Variants in ZHX3 observed in about 807,000 individuals in gnomAD.
ZHX3 encodes the protein zinc fingers and homeoboxes 3.
ZHX3 carries 20 observed loss-of-function variants against 64.5 expected under a neutral mutation model. That is an observed-to-expected ratio of 0.31 (90% CI 0.22 to 0.45). The LOEUF (loss-of-function observed/expected upper bound fraction) is 0.45, where lower values mean the gene tolerates loss of function less well. Ranked by LOEUF, ZHX3 falls within the 20% of genes least tolerant of loss-of-function variation. ZHX3 has a pLI of 1.00. For missense variants in ZHX3, 1,041 were observed against 1,195.8 expected (o/e 0.87, Z 1.91); for synonymous variants, 423 against 461.6 (o/e 0.92, Z 1.07).
At chr20:41,259,147 G>A (rs1444600062) in intron 2 of ZHX3, among the ~76,000 whole-genome samples, 1 of 152,120 alleles carries the variant, frequency 6.6e-6, no homozygotes, top group African/African-American at 2.4e-5. Context: ...CAGATACCAT[G>A]AGCTTAAATC....
intron 1 of ZHX3, 194 bp from the exon 2 acceptor site, chr20:41,269,277 G>C (rs536131688): frequency 6.6e-6 from 1 of 152,280 alleles, no homozygotes; most frequent in East Asian, 1.9e-4. Flanking sequence ...ATTCCTAGTA[G>C]AAATAAAGCA....
At chr20:41,267,276 T>A (rs892654224) in intron 2 of ZHX3, among the ~76,000 whole-genome samples, 1 of 116,444 alleles carries the variant, frequency 8.6e-6, no homozygotes, top group Non-Finnish European at 1.6e-5. Flanking sequence ...ACCTTCTAGA[T>A]CAAAGAGCTA....
At chr20:41,292,273 G>A (rs934789757) in intron 1 of ZHX3, among the ~76,000 whole-genome samples, 2 of 152,070 alleles carry the variant, frequency 1.3e-5, no homozygotes, top group Non-Finnish European at 2.9e-5. Context: ...CTAATATTTA[G>A]GAACCAGAAT....
Position 41,226,414 on chromosome 20 carries a change from A to G in ZHX3, c.-150-21348T>C, listed in dbSNP as rs1043405103. ...AAGTAATATTCCATGATATGTATAT[A>G]TCATATTTTATTTATCCATTCATCC... On this transcript the variant is annotated intron_variant, in intron 2 of 3. Transcript: ENST00000683867. The surrounding 1 kb of genome is among the most constrained non-coding windows in gnomAD (Gnocchi z 4.4). 1.3e-5 allele frequency among the ~76,000 whole-genome samples: 2 copies of G among 152,166 alleles called. No individual in the cohort carries two copies. Among genetic ancestry groups the G allele is most frequent in the African/African-American group, 4.8e-5 (2 of 41,428 alleles).
rs1056236620 is a variant in ZHX3 at position 41,180,357 on chromosome 20, T to C, written c.*4834A>G. On this transcript the variant is annotated 3_prime_UTR_variant, in exon 4 of 4. Coordinates refer to ENST00000683867, the MANE Select transcript of ZHX3 (RefSeq NM_001384317.1). ...TTTCAGAAATTGAGGAAGGGGGTGCTTTCCCCTGTCCTTGTCCATATGGTA... is the reference window on the plus strand; with the variant it reads ...TTTCAGAAATTGAGGAAGGGGGTGCCTTCCCCTGTCCTTGTCCATATGGTA... 5.2e-5 allele frequency: 8 copies of C among 152,510 alleles called. No individual in the cohort carries two copies. Among genetic ancestry groups the C allele is most frequent in the Non-Finnish European group, 7.3e-5 (5 of 68,100 alleles). 9.4% of individuals were successfully genotyped at this position (152,510 alleles called of 1,614,324 possible).
chr20:41,297,908 G>A (rs1182074820), intron 1 of ZHX3, among the ~76,000 whole-genome samples: 1 of 152,132 alleles, frequency 6.6e-6, no homozygotes, highest in Admixed American at 6.5e-5. Flanking sequence ...GCACTTACAA[G>A]GTCTAGAGTG....
chr20:41,288,828 C>T (rs1310543853), intron 1 of ZHX3, among the ~76,000 whole-genome samples: 1 of 152,126 alleles, frequency 6.6e-6, no homozygotes, highest in Non-Finnish European at 1.5e-5. Context: ...CCTAAATTAT[C>T]TCTAAAGTGA....
At position 41,212,355 on chromosome 20, in the gene ZHX3, T is replaced by C. The variant is rs566022547; in HGVS notation, c.-150-7289A>G. ...AGATACCACTTCACACCCACCAAGATGGCTGTAATTACAGCGACAGATAAC... is the reference window on the plus strand; with the variant it reads ...AGATACCACTTCACACCCACCAAGACGGCTGTAATTACAGCGACAGATAAC... On this transcript the variant is annotated intron_variant, in intron 2 of 3. Coordinates refer to ENST00000683867, the MANE Select transcript of ZHX3 (RefSeq NM_001384317.1). This position sits in a 1 kb window ranked among gnomAD's most constrained non-coding sequence, Gnocchi z 4.3. 6.6e-6 allele frequency among the ~76,000 whole-genome samples: 1 copy of C among 152,104 alleles called. No individual in the cohort carries two copies. Among genetic ancestry groups the C allele is most frequent in the African/African-American group, 2.4e-5 (1 of 41,416 alleles).
chr20:41,193,996 G>GC (rs1306049867), intron 3 of ZHX3, among the ~76,000 whole-genome samples: 1 of 152,050 alleles, frequency 6.6e-6, no homozygotes, highest in Non-Finnish European at 1.5e-5. Context: ...TACCACAACT[G>GC]GCCTCAAGTT....
chr20:41,289,437 C>G (rs918123362), intron 1 of ZHX3, among the ~76,000 whole-genome samples: 2 of 151,924 alleles, frequency 1.3e-5, no homozygotes, highest in Non-Finnish European at 2.9e-5. Flanking sequence ...CACAGTCAAA[C>G]AGAGAAAAAT....
chr20:41,295,072 T>A (rs1469456699), intron 1 of ZHX3, among the ~76,000 whole-genome samples: 1 of 152,106 alleles, frequency 6.6e-6, no homozygotes, highest in Non-Finnish European at 1.5e-5. Flanking sequence ...CAGCTATCCC[T>A]CAAACTACTA....
intron 1 of ZHX3, among the ~76,000 whole-genome samples, chr20:41,305,441 AG>A (rs749229629): frequency 2.6e-5 from 4 of 152,052 alleles, no homozygotes; most frequent in Non-Finnish European, 5.9e-5. Flanking sequence ...GCAGTAAGCT[AG>A]GATCACACCA....
At chr20:41,210,698 G>A (rs2032786642) in intron 2 of ZHX3, among the ~76,000 whole-genome samples, 1 of 152,166 alleles carries the variant, frequency 6.6e-6, no homozygotes, top group African/African-American at 2.4e-5. Context: ...GGCCTGTCGT[G>A]GGGTGGGGAG....
At chr20:41,295,561 T>C (rs1394545227) in intron 1 of ZHX3, among the ~76,000 whole-genome samples, 2 of 152,154 alleles carry the variant, frequency 1.3e-5, no homozygotes, top group African/African-American at 4.8e-5. Context: ...GTACAATACT[T>C]TTATAATAAA....
chr20:41,299,351 T>C (rs566362481), intron 1 of ZHX3, among the ~76,000 whole-genome samples: 93 of 151,968 alleles, frequency 6.1e-4, no homozygotes, highest in Non-Finnish European at 1.2e-3. Context: ...ATGCTAAGGG[T>C]TTCATTTAAT....
chr20:41,309,075 T>C (rs2045057958), intron 1 of ZHX3, among the ~76,000 whole-genome samples: 1 of 152,222 alleles, frequency 6.6e-6, no homozygotes, highest in South Asian at 2.1e-4. Flanking sequence ...TGTTTTTCTC[T>C]ATAATAAATG....
intron 1 of ZHX3, among the ~76,000 whole-genome samples, chr20:41,316,092 T>G (rs1163654330): frequency 2.6e-5 from 4 of 151,956 alleles, no homozygotes; most frequent in African/African-American, 7.3e-5. Flanking sequence ...ACACTTCCCA[T>G]GCAATGTTTG....
intron 2 of ZHX3, among the ~76,000 whole-genome samples, chr20:41,217,968 A>G (rs1018629012): frequency 2.6e-5 from 4 of 152,174 alleles, no homozygotes; most frequent in Non-Finnish European, 1.5e-5. Flanking sequence ...AGATTTTACA[A>G]CCTGAACTAT....
chr20:41,289,926 A>T (rs1197183208), intron 1 of ZHX3, among the ~76,000 whole-genome samples: 1 of 152,236 alleles, frequency 6.6e-6, no homozygotes, highest in Non-Finnish European at 1.5e-5. Flanking sequence ...TTTCAACAAA[A>T]AGAAACCTAG....
Sources: allele counts gnomAD v4.1 joint callset (sites outside exome capture counted in the v4.1 genomes callset), GRCh38; gene constraint gnomAD v4.1.1; non-coding constraint Gnocchi (gnomAD v3.1); transcripts MANE v1.5; gene names NCBI Gene and HGNC (gene_info 2026-07-23, HGNC 2026-07-21).